The following ZMYM2 variants were observed in gnomAD, a reference collection of about 807,000 sequenced individuals.
ZMYM2 encodes zinc finger MYM-type protein 2.
Under a neutral mutation model 162.8 loss-of-function variants are expected in ZMYM2, and 56 were observed. That is an observed-to-expected ratio of 0.34 (90% confidence interval 0.28 to 0.43). The LOEUF is 0.43. ZMYM2 is among the 20% of genes least tolerant of loss of function. The pLI is 1.00. For synonymous variants in ZMYM2, 510 were observed against 541.6 expected (o/e 0.94, Z 0.81); for missense variants, 1,275 against 1,621.8 (o/e 0.79, Z 3.67).
the ZMYM2 span, among the ~76,000 whole-genome samples, chr13:19,883,759 T>C: frequency 1.3e-5 from 2 of 152,252 alleles, no homozygotes; most frequent in East Asian, 1.9e-4. Flanking sequence ...GGTATATATA[T>C]ATATATTTTT....
At chr13:20,002,802 A>G in intron 3 of ZMYM2, 48 bp from the exon 4 acceptor site, 1 of 1,587,290 alleles carries the variant, frequency 6.3e-7, no homozygotes, top group Admixed American at 1.8e-5. Context: ...TAATATGTAT[A>G]AACAAACACT....
At chr13:19,943,345 C>T in the ZMYM2 span, among the ~76,000 whole-genome samples, 2 of 152,112 alleles carry the variant, frequency 1.3e-5, no homozygotes, top group Non-Finnish European at 2.9e-5. Context: ...AGATTACATT[C>T]CAAAGTACTG....
rs1021985721 is a variant in ZMYM2, at chr13:20,087,162, T to C, written c.*1148T>C. ...AGTGTAGTAATTCTGATATTGCAAA[T>C]GATTGAGGAACAAACAAAGAAACTA... On this transcript the variant is annotated 3_prime_UTR_variant, in exon 25 of 25. Transcript: ENST00000610343. 1 of 188,118 alleles carries C rather than the reference T, an allele frequency of 5.3e-6. No individual in the cohort carries two copies. Among genetic ancestry groups the C allele is most frequent in the Non-Finnish European group, 1.1e-5 (1 of 89,436 alleles). The allele number at this position is 188,118 out of a possible 1,614,324, so 11.7% of individuals were successfully genotyped here.
At chr13:20,076,049 T>G (rs1203877280) in intron 21 of ZMYM2, among the ~76,000 whole-genome samples, 2 of 143,328 alleles carry the variant, frequency 1.4e-5, no homozygotes, top group South Asian at 4.1e-4. Flanking sequence ...TGTGTATATT[T>G]CTGTTTTTCA....
At chr13:19,899,944 C>G in the ZMYM2 span, among the ~76,000 whole-genome samples, 1 of 150,482 alleles carries the variant, frequency 6.6e-6, no homozygotes. Context: ...AAAGAAGACT[C>G]AAATAACTAA....
At position 20,003,401 on chromosome 13, in the gene ZMYM2, T is replaced by C. The variant is rs145179568; in HGVS notation, c.1133+266T>C. On this transcript the variant is annotated intron_variant, in intron 4 of 24. Transcript: ENST00000610343. ...TGATTAATGAGAAGAAATTAGTTCT[T>C]ATAGCCAAATAAAAATGCTAAGCAG... 3.1e-3 allele frequency among the ~76,000 whole-genome samples: 471 copies of C among 152,314 alleles called. 5 individuals are homozygous for C. Among genetic ancestry groups the C allele is most frequent in the African/African-American group, 0.011 (450 of 41,584 alleles).
chr13:19,984,155 T>G (rs1344122794), intron 2 of ZMYM2, among the ~76,000 whole-genome samples: 1 of 152,212 alleles, frequency 6.6e-6, no homozygotes, highest in Non-Finnish European at 1.5e-5. Flanking sequence ...TGTGATTTTG[T>G]TTTTTGAAGG....
the ZMYM2 span, among the ~76,000 whole-genome samples, chr13:19,905,006 A>ATTTTT: frequency 1.5e-5 from 2 of 129,910 alleles, no homozygotes; most frequent in African/African-American, 2.9e-5. Flanking sequence ...CTTGCTTTCA[A>ATTTTT]TTTTTTTTTT....
At chr13:19,958,376 C>G (rs1382508569), upstream of ZMYM2, among the ~76,000 whole-genome samples, 1 of 151,800 alleles carries the variant, frequency 6.6e-6, no homozygotes, top group Non-Finnish European at 1.5e-5. Flanking sequence ...GTGTAGGTCC[C>G]GGAGAGCCCC....
chr13:19,918,154 C>A, the ZMYM2 span, among the ~76,000 whole-genome samples: 1 of 151,988 alleles, frequency 6.6e-6, no homozygotes, highest in African/African-American at 2.4e-5. Context: ...ATTTTAAAAC[C>A]TTTTTATTGG....
the ZMYM2 span, among the ~76,000 whole-genome samples, chr13:19,923,356 C>CAA: frequency 3.2e-3 from 186 of 57,360 alleles, 6 homozygotes; most frequent in African/African-American, 0.013. Flanking sequence ...GACTCCGTCG[C>CAA]AAAAAAAAAA....
intron 2 of ZMYM2, among the ~76,000 whole-genome samples, chr13:19,963,930 T>A (rs571036630): frequency 6.6e-6 from 1 of 152,310 alleles, no homozygotes; most frequent in East Asian, 1.9e-4. Context: ...ATTTTTAACT[T>A]TATAACAGTC....
At chr13:20,047,107 G>A (rs764107628) in intron 12 of ZMYM2, among the ~76,000 whole-genome samples, 1 of 152,198 alleles carries the variant, frequency 6.6e-6, no homozygotes, top group African/African-American at 2.4e-5. Flanking sequence ...TATAAAGCAA[G>A]TAGCAATGCT....
chr13:19,874,940 A>G, the ZMYM2 span, among the ~76,000 whole-genome samples: 1 of 152,248 alleles, frequency 6.6e-6, no homozygotes, highest in Admixed American at 6.5e-5. Context: ...GGCTATGGAA[A>G]AAAGGGAACA....
intron 4 of ZMYM2, among the ~76,000 whole-genome samples, chr13:20,003,734 C>T (rs1007026366): frequency 7.2e-5 from 11 of 151,752 alleles, no homozygotes; most frequent in African/African-American, 2.7e-4. Context: ...CTGGGTCCTC[C>T]ACCTCCTGGG....
the ZMYM2 span, among the ~76,000 whole-genome samples, chr13:19,900,786 C>T: frequency 2.0e-5 from 3 of 152,074 alleles, no homozygotes. Context: ...AAGGACTATA[C>T]GCTTTGGGAG....
At chr13:19,907,893 A>G in the ZMYM2 span, among the ~76,000 whole-genome samples, 1 of 152,146 alleles carries the variant, frequency 6.6e-6, no homozygotes, top group Non-Finnish European at 1.5e-5. Context: ...AGGGCTGAGA[A>G]GTTTACACAT....
chr13:19,928,525 G>A, the ZMYM2 span, among the ~76,000 whole-genome samples: 3 of 152,034 alleles, frequency 2.0e-5, no homozygotes, highest in Admixed American at 1.3e-4. Context: ...GGCTGGGTGC[G>A]GGGGCTCATG....
chr13:19,955,451 C>T (rs550190073), upstream of ZMYM2, among the ~76,000 whole-genome samples: 1 of 152,280 alleles, frequency 6.6e-6, no homozygotes, highest in South Asian at 2.1e-4. Flanking sequence ...AAGCATCTAG[C>T]TAGTTGCTAG....
Sources: gnomAD v4.1 joint callset for allele counts (sites outside exome capture counted in the v4.1 genomes callset) on GRCh38, gnomAD v4.1.1 for gene constraint, MANE v1.5 for transcripts, NCBI Gene and HGNC (gene_info 2026-07-23, HGNC 2026-07-21) for gene names.